The following ZNF385D variants were observed in gnomAD, a reference collection of about 807,000 sequenced individuals.
The protein encoded by ZNF385D is zinc finger protein 659.
A neutral mutation model predicts 35.8 loss-of-function variants in ZNF385D; 15 were observed. The observed-to-expected ratio is 0.42, with a 90% CI of 0.28 to 0.64. The LOEUF (loss-of-function observed/expected upper bound fraction) is 0.64, where lower values mean the gene tolerates loss of function less well. ZNF385D is among the 30% of genes least tolerant of loss of function. The pLI is 0.23. For missense variants in ZNF385D, 474 were observed against 494.6 expected (o/e 0.96, Z 0.39); for synonymous variants, 212 against 186.8 (o/e 1.13, Z -1.10).
chr3:21,760,866 G>T (rs1276794580), intron 3 of ZNF385D, among the ~76,000 whole-genome samples: 1 of 152,116 alleles, frequency 6.6e-6, no homozygotes, highest in East Asian at 1.9e-4. Context: ...TAATGTGTGT[G>T]TATTTTAAAT....
At chr3:21,960,203 T>TACACACACACACACACACACAC (rs61528907) in intron 3 of ZNF385D, among the ~76,000 whole-genome samples, 14,792 of 149,298 alleles carry the variant, frequency 0.099, 973 homozygotes, top group South Asian at 0.21. Context: ...TAAACAGCAA[T>TACACACACACACACACACACAC]ACACACACAC....
At chr3:22,341,754 T>A (rs906053187) in intron 2 of ZNF385D, among the ~76,000 whole-genome samples, 2 of 152,208 alleles carry the variant, frequency 1.3e-5, no homozygotes, top group African/African-American at 4.8e-5. Context: ...TCAAATGGAA[T>A]GAAATTATAA....
chr3:21,846,343 C>CTCAAAAGT (rs1289374365), intron 3 of ZNF385D, among the ~76,000 whole-genome samples: 10 of 152,036 alleles, frequency 6.6e-5, no homozygotes, highest in Non-Finnish European at 1.5e-4. Context: ...ACCTTAATTA[C>CTCAAAAGT]TCAAAAGTTC....
At chr3:21,914,613 G>A (rs139681129) in intron 3 of ZNF385D, among the ~76,000 whole-genome samples, 24 of 152,008 alleles carry the variant, frequency 1.6e-4, no homozygotes, top group African/African-American at 5.8e-4. Flanking sequence ...AGGAGATTAT[G>A]ATGAAAGGCA....
Position 21,898,528 on chromosome 3 carries a change from A to C in ZNF385D, c.326-233500T>G, listed in dbSNP as rs1271949189. On this transcript the variant is annotated intron_variant, in intron 3 of 5. Transcript: ENST00000494108. ...TTATACTTCTAGTCTGCTTCATTTC[A>C]GTTACTGGAAAAGAACTAAAGTAGA... is the stretch of plus-strand genomic sequence containing the variant. 3.3e-5 allele frequency among the ~76,000 whole-genome samples: 5 copies of C among 152,108 alleles called. No individual in the cohort carries two copies. The East Asian group carries it at 9.6e-4, about 29-fold the overall frequency.
chr3:21,447,780 T>A (rs778055813), intron 4 of ZNF385D, among the ~76,000 whole-genome samples: 14 of 152,176 alleles, frequency 9.2e-5, no homozygotes, highest in Non-Finnish European at 1.6e-4. Context: ...GTGAAGATAG[T>A]CAAGCCAAGT....
chr3:22,116,374 G>T (rs778456210), intron 3 of ZNF385D, among the ~76,000 whole-genome samples: 26 of 151,902 alleles, frequency 1.7e-4, no homozygotes, highest in Admixed American at 7.2e-4. Context: ...AAATTAAGAA[G>T]ATTGCTCCAA....
chr3:22,243,498 G>A (rs1409326885), intron 2 of ZNF385D, among the ~76,000 whole-genome samples: 1 of 151,028 alleles, frequency 6.6e-6, no homozygotes, highest in Non-Finnish European at 1.5e-5. Flanking sequence ...AGCTACTAAA[G>A]ATTTCTGAGC....
intron 2 of ZNF385D, among the ~76,000 whole-genome samples, chr3:22,340,561 G>A (rs1173485840): frequency 2.0e-5 from 3 of 152,100 alleles, no homozygotes; most frequent in Non-Finnish European, 4.4e-5. Flanking sequence ...CAGGAGAATC[G>A]CTTGAACCTG....
In ZNF385D at chr3:21,946,861, AT is replaced by A. The variant is rs577353842; in HGVS notation, c.325+221955del. Among the ~76,000 whole-genome samples the A allele has an allele frequency of 2.4e-3, 360 of 152,330 alleles. 1 individual carries two copies. Among genetic ancestry groups the A allele is most frequent in the Non-Finnish European group, 4.3e-3 (295 of 68,032 alleles). On this transcript the variant is annotated intron_variant, in intron 3 of 5. Coordinates refer to the ZNF385D transcript ENST00000494108. ...AAGTAAAAATAAAAACATTAAAAAAATTACTTTCTCATTTTGAAGCATCTTC... is the reference window on the plus strand; with the variant it reads ...AAGTAAAAATAAAAACATTAAAAAAATACTTTCTCATTTTGAAGCATCTTC...
intron 3 of ZNF385D, among the ~76,000 whole-genome samples, chr3:21,845,183 T>C (rs1470303660): frequency 6.6e-6 from 1 of 151,970 alleles, no homozygotes; most frequent in East Asian, 1.9e-4. Context: ...ATAGGTTGCA[T>C]GTCTGTGCTG....
chr3:21,537,148 T>TA (rs1553608014), intron 3 of ZNF385D, among the ~76,000 whole-genome samples: 10 of 146,372 alleles, frequency 6.8e-5, no homozygotes, highest in South Asian at 4.5e-4. Flanking sequence ...TTTTTTTTTT[T>TA]ATGAGATGGA....
intron 3 of ZNF385D, among the ~76,000 whole-genome samples, chr3:22,017,601 T>C (rs1696971813): frequency 1.3e-5 from 2 of 150,072 alleles, no homozygotes; most frequent in African/African-American, 2.5e-5. Context: ...TATCAATTTT[T>C]ATTATCCATT....
intron 3 of ZNF385D, among the ~76,000 whole-genome samples, chr3:21,830,346 G>A (rs764859754): frequency 1.2e-4 from 19 of 152,166 alleles, no homozygotes; most frequent in Non-Finnish European, 2.4e-4. Flanking sequence ...CTGTTTGGAT[G>A]AATTGATTAC....
At chr3:21,938,324 T>A (rs1701358474) in intron 3 of ZNF385D, among the ~76,000 whole-genome samples, 1 of 152,184 alleles carries the variant, frequency 6.6e-6, no homozygotes, top group Admixed American at 6.5e-5. Context: ...CAGGGCAGTG[T>A]GACACATGTC....
At chr3:21,451,336 C>A (rs115320523) in intron 4 of ZNF385D, among the ~76,000 whole-genome samples, 2,078 of 152,096 alleles carry the variant, frequency 0.014, 42 homozygotes, top group African/African-American at 0.047. Flanking sequence ...CTGAAACATG[C>A]CAATGAATAA....
chr3:22,161,072 C>A (rs1244352382), intron 3 of ZNF385D, among the ~76,000 whole-genome samples: 2 of 151,986 alleles, frequency 1.3e-5, no homozygotes. Flanking sequence ...TCATTCTATA[C>A]CTCATAATGT....
chr3:21,885,510 A>C (rs1229603546), intron 3 of ZNF385D, among the ~76,000 whole-genome samples: 1 of 152,024 alleles, frequency 6.6e-6, no homozygotes, highest in Non-Finnish European at 1.5e-5. Context: ...ATATAACTCC[A>C]TTTGTCAAAT....
intron 2 of ZNF385D, among the ~76,000 whole-genome samples, chr3:22,352,191 T>C (rs183144439): frequency 2.6e-5 from 4 of 152,288 alleles, no homozygotes; most frequent in Admixed American, 2.0e-4. Flanking sequence ...TCCCGGCACA[T>C]GTGAAAGCAA....
Sources: allele counts gnomAD v4.1 joint callset (sites outside exome capture counted in the v4.1 genomes callset), GRCh38; gene constraint gnomAD v4.1.1; transcripts MANE v1.5; gene names NCBI Gene and HGNC (gene_info 2026-07-23, HGNC 2026-07-21).